PML: variants seen among roughly 807,000 people sequenced by gnomAD.
PML encodes the protein protein PML.
A neutral mutation model predicts 65.2 loss-of-function variants in PML; 28 were observed. The observed-to-expected ratio is 0.43, with a 90% CI of 0.32 to 0.59. The LOEUF is 0.59. Among genes scored for constraint, PML ranks in the 20% least tolerant of loss-of-function variants. PML has a pLI of 0.08. For missense variants in PML, 1,021 were observed against 1,203.4 expected (o/e 0.85, Z 2.24); for synonymous variants, 500 against 508.8 (o/e 0.98, Z 0.23).
At chr15:74,031,135 T>C in intron 4 of PML, 1 of 312,154 alleles carries the variant, frequency 3.2e-6, no homozygotes, top group Non-Finnish European at 6.4e-6. Context: ...AAGCAGTCAG[T>C]CCCATTTCCC....
At chr15:74,008,939 A>G (rs181718146) in intron 2 of PML, among the ~76,000 whole-genome samples, 144 of 152,308 alleles carry the variant, frequency 9.5e-4, no homozygotes, top group African/African-American at 3.2e-3. Flanking sequence ...CAGATGTGGG[A>G]TACTTATCCA....
chr15:73,995,847 C>T (rs1318038796), intron 1 of PML, among the ~76,000 whole-genome samples: 1 of 152,014 alleles, frequency 6.6e-6, no homozygotes, highest in Non-Finnish European at 1.5e-5. Flanking sequence ...CTCCTCCTTC[C>T]GGGTTCACGC....
rs1253303166 is a variant in PML at position 74,035,471 on chromosome 15, T to G, written c.1710+941T>G. ...CACAGAGAGCCATCCGCCTTCGCCA[T>G]GCCCTCCGCTTGCACCCTCAATTGC... On this transcript the variant is annotated intron_variant, in intron 7 of 8. Coordinates refer to ENST00000268058, the MANE Select transcript of PML (RefSeq NM_033238.3). The surrounding 1 kb of genome is among the most constrained non-coding windows in gnomAD (Gnocchi z 4.1). 1 of 1,612,558 alleles carries G rather than the reference T, an allele frequency of 6.2e-7. No homozygotes were observed. Among genetic ancestry groups the G allele is most frequent in the Admixed American group, 1.7e-5 (1 of 60,018 alleles).
chr15:74,012,298 C>T (rs529139682), intron 2 of PML, among the ~76,000 whole-genome samples: 4 of 152,332 alleles, frequency 2.6e-5, no homozygotes, highest in African/African-American at 9.6e-5. Context: ...GCCTCAGCAT[C>T]CCGAGTAGCT....
intron 7 of PML, among the ~76,000 whole-genome samples, chr15:74,039,180 G>A (rs965582366): frequency 4.6e-5 from 7 of 152,214 alleles, no homozygotes; most frequent in African/African-American, 1.7e-4. Flanking sequence ...GTGGGGAATG[G>A]CTGATCCAGG....
intron 7 of PML, chr15:74,036,883 C>T (rs2071579266): frequency 1.5e-5 from 14 of 956,536 alleles, no homozygotes; most frequent in South Asian, 9.7e-5. Context: ...GTCCCTCAGC[C>T]GGTCCTCTCA....
chr15:74,033,693 A>G (rs1035646868), intron 6 of PML: 24 of 629,706 alleles, frequency 3.8e-5, no homozygotes, highest in African/African-American at 3.8e-4. Context: ...TGCACAGGGC[A>G]GGTCTCCACA....
intron 7 of PML, chr15:74,034,755 C>T: frequency 6.8e-7 from 1 of 1,477,610 alleles, no homozygotes; most frequent in East Asian, 2.5e-5. Context: ...TTCTGAAATG[C>T]TGATAGCATG....
At chr15:74,026,852 A>G (rs1314099797) in intron 4 of PML, 2 of 152,068 alleles carry the variant, frequency 1.3e-5, no homozygotes, top group African/African-American at 4.8e-5. Context: ...GGGTTTTGCT[A>G]TGTTAGCCAG....
At chr15:74,007,235 A>G (rs2070104653) in intron 2 of PML, among the ~76,000 whole-genome samples, 1 of 152,216 alleles carries the variant, frequency 6.6e-6, no homozygotes, top group Non-Finnish European at 1.5e-5. Context: ...TAGTCATGAG[A>G]GAAGCTCTTA....
At chr15:74,040,330 G>C (rs1222573455) in intron 7 of PML, among the ~76,000 whole-genome samples, 2 of 152,104 alleles carry the variant, frequency 1.3e-5, no homozygotes, top group African/African-American at 2.4e-5. Context: ...GTCCTCACAC[G>C]CAGGCTCAAG....
At chr15:74,013,454 A>G (rs2070421842) in intron 2 of PML, among the ~76,000 whole-genome samples, 1 of 152,240 alleles carries the variant, frequency 6.6e-6, no homozygotes, top group Non-Finnish European at 1.5e-5. Context: ...TATGTCACAC[A>G]AGGAGTTACT....
chr15:74,043,791 AG>A lies in PML; in HGVS notation c.1862-429del, dbSNP rs764936299. 9.4e-6 allele frequency: 5 copies of A among 533,564 alleles called. No homozygotes were observed. The highest frequency in any genetic ancestry group is 1.1e-5 in the Non-Finnish European group (3 of 270,240). The allele number at this position is 533,564 out of a possible 1,614,324, so 33.1% of individuals were successfully genotyped here. ...AGGCTCTTGGCCTTGCTCTGAGTGGAGTGCTTTCTATGTCCCAGGGCTCTGA... is the reference window on the plus strand; with the variant it reads ...AGGCTCTTGGCCTTGCTCTGAGTGGATGCTTTCTATGTCCCAGGGCTCTGA... On this transcript the variant is annotated intron_variant, in intron 8 of 8. Transcript: ENST00000268058. This position sits in a 1 kb window ranked among gnomAD's most constrained non-coding sequence, Gnocchi z 4.3.
chr15:74,031,155 T>C, intron 4 of PML: 2 of 328,680 alleles, frequency 6.1e-6, no homozygotes, highest in Admixed American at 6.6e-5. Flanking sequence ...CCCTCCCCCA[T>C]CTCCTGGCAA....
intron 4 of PML, chr15:74,026,040 G>C (rs2071057819): frequency 6.6e-6 from 1 of 152,374 alleles, no homozygotes. Context: ...TTTAGAGCCA[G>C]GCAAGAGCAT....
At chr15:74,040,284 C>G (rs1357600162) in intron 7 of PML, among the ~76,000 whole-genome samples, 1 of 152,220 alleles carries the variant, frequency 6.6e-6, no homozygotes, top group Non-Finnish European at 1.5e-5. Context: ...CCTGGCATCT[C>G]TCACTGCATA....
chr15:74,041,890 C>G (rs886310900), intron 7 of PML, among the ~76,000 whole-genome samples: 1 of 152,214 alleles, frequency 6.6e-6, no homozygotes, highest in Non-Finnish European at 1.5e-5. Context: ...AGGAAAAACC[C>G]AAGGCCTGCC....
Position 74,044,677 on chromosome 15 carries a change from G to T in PML, c.2318G>T (p.Ser773Ile), listed in dbSNP as rs1023224519. Residue 773 changes from serine (S) to isoleucine (I), a missense_variant, in exon 9 of 9, where the codon AGT becomes ATT. Coordinates refer to ENST00000268058, the MANE Select transcript of PML (RefSeq NM_033238.3). ...CTGGCCCAGCATGTCTACCCCTTCA[G>T]TAGCCTGCAGTGCTTTGCCTCCCTG... ...PQLAQHVYPF[S>I]SLQCFASLQP... 3 of 1,606,108 alleles carry T rather than the reference G, an allele frequency of 1.9e-6. No individual in the cohort carries two copies. The highest frequency in any genetic ancestry group is 2.7e-5 in the African/African-American group (2 of 74,936).
rs543631733 is a variant in PML, at chr15:74,032,574, C to G, written c.1257C>G (p.Pro419=). The change falls in exon 5 of 9, where the codon CCC becomes CCG. Residue 419 remains proline (P), a splice_region_variant and synonymous_variant. Transcript: ENST00000268058. The part of the protein sequence containing the change: ...TPRDPIDVDL[P]EEAERVKAQV... ...ACTCAATTTTCCCAACTTTGCAGCC[C>G]GAGGAGGCAGAGAGAGTGAAGGCCC... The G allele has an allele frequency of 2.5e-6, 4 of 1,613,874 alleles. No homozygotes were observed. In the African/African-American group the frequency reaches 5.3e-5, roughly 22 times the overall value.
Sources: gnomAD v4.1 joint callset for allele counts (sites outside exome capture counted in the v4.1 genomes callset) on GRCh38, gnomAD v4.1.1 for gene constraint, Gnocchi (gnomAD v3.1) non-coding constraint, MANE v1.5 for transcripts, NCBI Gene and HGNC (gene_info 2026-07-23, HGNC 2026-07-21) for gene names.